The following IL17C variants were observed in gnomAD, a reference collection of about 807,000 sequenced individuals.
The protein encoded by IL17C is interleukin-17C.
In IL17C, 13 loss-of-function variants were observed where a neutral mutation model predicts 11.0. The ratio of observed to expected loss-of-function variants is 1.18; its 90% CI spans 0.77 to 1.88. The LOEUF (loss-of-function observed/expected upper bound fraction) is 1.88, where lower values mean the gene tolerates loss of function less well. Ranked by LOEUF, IL17C falls within the 40% of genes most tolerant of loss-of-function variation. The probability of loss-of-function intolerance (pLI) is 0.00; values close to 1 mark genes in which losing one functional copy is unlikely to be tolerated. For missense variants in IL17C, 357 were observed against 278.2 expected, an observed-to-expected ratio of 1.28 and a Z score of -2.01; for synonymous variants, 150 against 125.8, an observed-to-expected ratio of 1.19 and a Z score of -1.29.
Position 88,639,453 on chromosome 16 carries a change from G to GC in IL17C, c.335+144_335+145insC. The stretch of plus-strand genomic sequence containing the variant: ...TGAGCTCCCTCCCTCCGGCCCTCCT[G>GC]ACCTGGACGGCTGAGCTGCTGCTTG... On this transcript the variant is annotated intron_variant, in intron 2 of 2. Coordinates refer to ENST00000244241, the MANE Select transcript of IL17C (RefSeq NM_013278.4). The surrounding 1 kb of genome is among the most constrained non-coding windows in gnomAD (Gnocchi z 5.1). The GC allele has an allele frequency of 1.2e-6, 1 of 840,120 alleles. No homozygotes were observed. The highest frequency in any genetic ancestry group is 2.7e-5 in the East Asian group (1 of 36,496). The allele number at this position is 840,120 out of a possible 1,614,324, so 52.0% of individuals were successfully genotyped here.
At position 88,639,817 on chromosome 16, in the gene IL17C, G is replaced by A. The variant is rs545216499; in HGVS notation, c.339G>A (p.Val113=). ...CACTGTGCACCCCGTCCCGCAGTGT[G>A]GACACGGATGAGGACCGCTATCCAC... ...QRSISPWRYR[V]DTDEDRYPQK... The change falls in exon 3 of 3, where the codon GTG becomes GTA. Residue 113 remains valine, a synonymous_variant. Coordinates refer to ENST00000244241, the MANE Select transcript of IL17C (RefSeq NM_013278.4). This position sits in a 1 kb window ranked among gnomAD's most constrained non-coding sequence, Gnocchi z 5.1. The A allele has an allele frequency of 6.4e-7, 1 of 1,558,410 alleles. No homozygotes were observed. The highest frequency in any genetic ancestry group is 8.7e-7 in the Non-Finnish European group (1 of 1,151,292).
intron 1 of IL17C, 158 bp downstream of exon 1, chr16:88,638,805 C>G (rs534616374): frequency 1.6e-6 from 2 of 1,257,112 alleles, no homozygotes; most frequent in Admixed American, 3.7e-5. Context: ...ATCCTCGGAG[C>G]GCTGGCATGC....
rs1005683566 is a variant in IL17C, at chr16:88,638,613, C to T, written c.-29C>T. Reference sequence around the variant, plus strand: ...TTGCCGCCAGGTGTGCAGGCCGCTCCAAGCCCAGCCTGCCCCGCTGCCGCC... The same window carrying T: ...TTGCCGCCAGGTGTGCAGGCCGCTCTAAGCCCAGCCTGCCCCGCTGCCGCC... On this transcript the variant is annotated 5_prime_UTR_variant, in exon 1 of 3. Coordinates refer to ENST00000244241, the MANE Select transcript of IL17C (RefSeq NM_013278.4). 1.5e-5 allele frequency: 24 copies of T among 1,612,064 alleles called. No individual in the cohort carries two copies. Among genetic ancestry groups the T allele is most frequent in the Non-Finnish European group, 2.0e-5 (24 of 1,179,972 alleles).
rs750278889 is a variant in IL17C, at chr16:88,639,347, C to A, written c.335+38C>A. Reference sequence around the variant, plus strand: ...GGATTCCGCTGTGGCGTGGGGCTGCCCCTCCCCTGGCGGGGCCCTGACTGC... The same window carrying A: ...GGATTCCGCTGTGGCGTGGGGCTGCACCTCCCCTGGCGGGGCCCTGACTGC... On this transcript the variant is annotated intron_variant, in intron 2 of 2. Transcript: ENST00000244241. The surrounding 1 kb of genome is among the most constrained non-coding windows in gnomAD (Gnocchi z 5.1). The A allele has an allele frequency of 1.3e-6, 2 of 1,501,598 alleles. No homozygotes were observed. Among genetic ancestry groups the A allele is most frequent in the Non-Finnish European group, 8.9e-7 (1 of 1,124,152 alleles). The allele number at this position is 1,501,598 out of a possible 1,614,324, so 93.0% of individuals were successfully genotyped here. A position where few individuals can be genotyped will look rare whatever the true frequency, so the allele number is the denominator to read the frequency against.
In IL17C at chr16:88,639,859, C is replaced by T. The variant is rs746400700; in HGVS notation, c.381C>T (p.Ala127=). The T allele has an allele frequency of 1.8e-5, 29 of 1,596,500 alleles. No individual in the cohort carries two copies. The highest frequency in any genetic ancestry group is 1.0e-4 in the South Asian group (9 of 89,408). Residue 127 remains alanine (A), a synonymous_variant, in exon 3 of 3, where the codon GCC becomes GCT. Coordinates refer to ENST00000244241, the MANE Select transcript of IL17C (RefSeq NM_013278.4). This position sits in a 1 kb window ranked among gnomAD's most constrained non-coding sequence, Gnocchi z 5.1. ...GCTATCCACAGAAGCTGGCCTTCGC[C>T]GAGTGCCTGTGCAGAGGCTGTATCG... ...EDRYPQKLAF[A]ECLCRGCIDA...
Position 88,639,931 on chromosome 16 carries a change from G to A in IL17C, c.453G>A (p.Leu151=), listed in dbSNP as rs1316845626. 1 of 1,610,478 alleles carries A rather than the reference G, an allele frequency of 6.2e-7. No homozygotes were observed. The highest frequency in any genetic ancestry group is 8.5e-7 in the Non-Finnish European group (1 of 1,179,406). ...RETAALNSVR[L]LQSLLVLRRR... ...CAGCTGCGCTCAACTCCGTGCGGCT[G>A]CTCCAGAGCCTGCTGGTGCTGCGCC... Residue 151 remains leucine (L), a synonymous_variant, in exon 3 of 3, where the codon CTG becomes CTA. Transcript: ENST00000244241. The surrounding 1 kb of genome is among the most constrained non-coding windows in gnomAD (Gnocchi z 5.1).
At chr16:88,638,877 G>T in intron 1 of IL17C, 104 bp from the exon 2 acceptor site, 1 of 1,219,898 alleles carries the variant, frequency 8.2e-7, no homozygotes, top group Non-Finnish European at 1.2e-6. Context: ...TATAGAGGGA[G>T]GGCTGTACTC....
chr16:88,639,852 C>T lies in IL17C; in HGVS notation c.374C>T (p.Ala125Val). ...TDEDRYPQKL[A>V]FAECLCRGCI... The stretch of plus-strand genomic sequence containing the variant: ...GAGGACCGCTATCCACAGAAGCTGG[C>T]CTTCGCCGAGTGCCTGTGCAGAGGC... The change falls in exon 3 of 3, where the codon GCC becomes GTC. Residue 125 changes from alanine (A) to valine (V), a missense_variant. By Grantham distance (64) the Ala-to-Val change is moderately conservative. Transcript: ENST00000244241. This position sits in a 1 kb window ranked among gnomAD's most constrained non-coding sequence, Gnocchi z 5.1. 6.3e-7 allele frequency: 1 copy of T among 1,590,150 alleles called. No homozygotes were observed. Among genetic ancestry groups the T allele is most frequent in the Non-Finnish European group, 8.6e-7 (1 of 1,169,450 alleles).
In IL17C at chr16:88,638,740, G is replaced by C. The variant is rs1906965521; in HGVS notation, c.6+93G>C. 30 of 1,584,458 alleles carry C rather than the reference G, an allele frequency of 1.9e-5. 2 individuals are homozygous for C. The Middle Eastern group carries it at 5.0e-4, about 26-fold the overall frequency. ...GGTTCTCTGAGCCTGGGAGGAGGGT[G>C]TTGGGATGGGGTCTGGGAAACCCCT... is the stretch of plus-strand genomic sequence containing the variant. On this transcript the variant is annotated intron_variant, in intron 1 of 2. Transcript: ENST00000244241.
rs1907026225 is a variant in IL17C at position 88,640,347 on chromosome 16, T to C, written c.*275T>C. On this transcript the variant is annotated 3_prime_UTR_variant, in exon 3 of 3. Transcript: ENST00000244241. ...CTTGGCTCCCTGTCCTGCTCCCGGC[T>C]TCCCTTACCCTATCACTGGCCTCAG... 3 of 427,214 alleles carry C rather than the reference T, an allele frequency of 7.0e-6. No homozygotes were observed. Among genetic ancestry groups the C allele is most frequent in the Admixed American group, 4.0e-5 (1 of 25,068 alleles). 26.5% of individuals were successfully genotyped at this position (427,214 alleles called of 1,614,324 possible). A position where few individuals can be genotyped will look rare whatever the true frequency, so the allele number is the denominator to read the frequency against.
chr16:88,638,825 T>G, intron 1 of IL17C, 156 bp from the exon 2 acceptor site: 2 of 1,191,750 alleles, frequency 1.7e-6, no homozygotes, highest in African/African-American at 1.5e-5. Flanking sequence ...CTGGGTGTCT[T>G]GGGCTGAAGG....
chr16:88,638,841 C>A, intron 1 of IL17C, 140 bp from the exon 2 acceptor site: 1 of 1,146,298 alleles, frequency 8.7e-7, no homozygotes, highest in Non-Finnish European at 1.3e-6. Context: ...GAAGGGCTAG[C>A]CTCTCTGGGC....
chr16:88,640,309 C>A lies in IL17C; in HGVS notation c.*237C>A, dbSNP rs147491205. 4.1e-6 allele frequency: 2 copies of A among 488,096 alleles called. No individual in the cohort carries two copies. Among genetic ancestry groups the A allele is most frequent in the East Asian group, 3.3e-5 (1 of 30,154 alleles). 30.2% of individuals were successfully genotyped at this position (488,096 alleles called of 1,614,324 possible). ...TTAAAGCTGCAGAAAAGGTGTCACA[C>A]GGCTGCCTGTACCTTGGCTCCCTGT... On this transcript the variant is annotated 3_prime_UTR_variant, in exon 3 of 3. Coordinates refer to ENST00000244241, the MANE Select transcript of IL17C (RefSeq NM_013278.4).
intron 1 of IL17C, 149 bp downstream of exon 1, chr16:88,638,796 T>C (rs1288024014): frequency 7.6e-7 from 1 of 1,310,534 alleles, no homozygotes; most frequent in East Asian, 2.4e-5. Context: ...CAGCTGCAGA[T>C]CCTCGGAGCG....
chr16:88,640,113 C>T lies in IL17C; in HGVS notation c.*41C>T. On this transcript the variant is annotated 3_prime_UTR_variant, in exon 3 of 3. Coordinates refer to ENST00000244241, the MANE Select transcript of IL17C (RefSeq NM_013278.4). ...GGCCCCTAGACTGGACACGTGTGCT[C>T]CCCAGAGGGCACCCCCTATTTATGT... 3 of 1,508,288 alleles carry T rather than the reference C, an allele frequency of 2.0e-6. No individual in the cohort carries two copies. In the South Asian group the frequency reaches 4.0e-5, roughly 20 times the overall value. The allele number at this position is 1,508,288 out of a possible 1,614,324, so 93.4% of individuals were successfully genotyped here. A position where few individuals can be genotyped will look rare whatever the true frequency, so the allele number is the denominator to read the frequency against.
chr16:88,639,982 G>C lies in IL17C; in HGVS notation c.504G>C (p.Ser168=). ...GCCGGCCCTGCTCCCGCGACGGCTC[G>C]GGGCTCCCCACACCTGGGGCCTTTG... ...LRRRPCSRDG[S]GLPTPGAFAF... Residue 168 remains serine (S), a synonymous_variant, in exon 3 of 3, where the codon TCG becomes TCC. Transcript: ENST00000244241. The surrounding 1 kb of genome is among the most constrained non-coding windows in gnomAD (Gnocchi z 5.1). The C allele has an allele frequency of 6.2e-7, 1 of 1,609,504 alleles. No homozygotes were observed. Among genetic ancestry groups the C allele is most frequent in the South Asian group, 1.1e-5 (1 of 90,850 alleles).
Position 88,639,452 on chromosome 16 carries a change from T to C in IL17C, c.335+143T>C. 2 of 840,270 alleles carry C rather than the reference T, an allele frequency of 2.4e-6. No homozygotes were observed. Among genetic ancestry groups the C allele is most frequent in the Non-Finnish European group, 1.8e-6 (1 of 559,714 alleles). The allele number at this position is 840,270 out of a possible 1,614,324, so 52.1% of individuals were successfully genotyped here. A position where few individuals can be genotyped will look rare whatever the true frequency, so the allele number is the denominator to read the frequency against. ...CTGAGCTCCCTCCCTCCGGCCCTCC[T>C]GACCTGGACGGCTGAGCTGCTGCTT... is the stretch of plus-strand genomic sequence containing the variant. On this transcript the variant is annotated intron_variant, in intron 2 of 2. Transcript: ENST00000244241. This position sits in a 1 kb window ranked among gnomAD's most constrained non-coding sequence, Gnocchi z 5.1.
In IL17C at chr16:88,640,441, T is replaced by C. The variant is rs998983303; in HGVS notation, c.*369T>C. ...TGTTTCTTAAACAATTATTTAAGTG[T>C]ACGTGTATTATTAAACTGATGAACA... On this transcript the variant is annotated 3_prime_UTR_variant, in exon 3 of 3. Transcript: ENST00000244241. 5.4e-5 allele frequency: 13 copies of C among 238,616 alleles called. No individual in the cohort carries two copies. The highest frequency in any genetic ancestry group is 2.7e-4 in the African/African-American group (12 of 44,452). 14.8% of individuals were successfully genotyped at this position (238,616 alleles called of 1,614,324 possible).
Position 88,638,934 on chromosome 16 carries a change from C to T in IL17C, c.7-47C>T, listed in dbSNP as rs1906971260. 2.0e-6 allele frequency: 3 copies of T among 1,482,466 alleles called. No homozygotes were observed. The South Asian group carries it at 3.9e-5, about 19-fold the overall frequency. 91.8% of individuals were successfully genotyped at this position (1,482,466 alleles called of 1,614,324 possible). On this transcript the variant is annotated intron_variant, in intron 1 of 2. Coordinates refer to ENST00000244241, the MANE Select transcript of IL17C (RefSeq NM_013278.4). The stretch of plus-strand genomic sequence containing the variant: ...GAAAGCTGAGGTGGAAGTGAGGTGC[C>T]CCCTGCCCTGGGCACCTCCTAACCA...
Sources: allele counts gnomAD v4.1 joint callset, GRCh38; gene constraint gnomAD v4.1.1; non-coding constraint Gnocchi (gnomAD v3.1); transcripts MANE v1.5; gene names NCBI Gene and HGNC (gene_info 2026-07-23, HGNC 2026-07-21).